The following SORCS2 variants were observed in gnomAD, a reference collection of about 807,000 sequenced individuals.
SORCS2 encodes the protein sortilin related VPS10 domain containing receptor 2.
In SORCS2, 100 loss-of-function variants were observed where a neutral mutation model predicts 141.6. That is an observed-to-expected ratio of 0.71 (90% CI 0.60 to 0.83). SORCS2 has a LOEUF of 0.83. SORCS2 is among the 40% of genes least tolerant of loss of function. The pLI, the probability that SORCS2 is intolerant of heterozygous loss-of-function variation, is 0.00. For synonymous variants in SORCS2, 789 were observed against 676.9 expected, an observed-to-expected ratio of 1.17 and a Z score of -2.57; for missense variants, 1,646 against 1,560.2, an observed-to-expected ratio of 1.05 and a Z score of -0.93.
chr4:7,621,186 C>G (rs1719148375), intron 3 of SORCS2, among the ~76,000 whole-genome samples: 1 of 152,150 alleles, frequency 6.6e-6, no homozygotes, highest in South Asian at 2.1e-4. Flanking sequence ...CCCGCCCAGC[C>G]CTGAGCCCCG....
At chr4:7,621,966 C>T (rs975594723) in intron 3 of SORCS2, among the ~76,000 whole-genome samples, 2 of 152,146 alleles carry the variant, frequency 1.3e-5, no homozygotes, top group Non-Finnish European at 2.9e-5. Context: ...GTGACAACAG[C>T]GCTGTGAGTT....
intron 1 of SORCS2, among the ~76,000 whole-genome samples, chr4:7,306,095 C>T (rs967390830): frequency 1.7e-4 from 26 of 152,152 alleles, no homozygotes; most frequent in Admixed American, 1.7e-3. Flanking sequence ...TGGCAGGGTC[C>T]CGGTGCTCTG....
chr4:7,234,490 A>G (rs1379879231), intron 1 of SORCS2, among the ~76,000 whole-genome samples: 2 of 152,252 alleles, frequency 1.3e-5, no homozygotes, highest in Non-Finnish European at 2.9e-5. Context: ...GTGACCCAGC[A>G]TGGTGGCCTC....
At chr4:7,395,375 A>G (rs894535194) in intron 1 of SORCS2, among the ~76,000 whole-genome samples, 1 of 152,028 alleles carries the variant, frequency 6.6e-6, no homozygotes, top group African/African-American at 2.4e-5. Flanking sequence ...TTCCCATCTT[A>G]CCTCCCGGGG....
At chr4:7,368,188 A>G (rs1722020683) in intron 1 of SORCS2, among the ~76,000 whole-genome samples, 1 of 152,218 alleles carries the variant, frequency 6.6e-6, no homozygotes, top group Non-Finnish European at 1.5e-5. Context: ...AAGAGTGGAC[A>G]CAGATGAAGG....
chr4:7,226,926 G>A (rs534233798), intron 1 of SORCS2, among the ~76,000 whole-genome samples: 10 of 152,362 alleles, frequency 6.6e-5, no homozygotes, highest in Non-Finnish European at 1.2e-4. Context: ...TTGCTAGCAA[G>A]TGAGTTCCTC....
At chr4:7,486,352 G>C (rs1042496569) in intron 2 of SORCS2, among the ~76,000 whole-genome samples, 3 of 36,258 alleles carry the variant, frequency 8.3e-5, no homozygotes, top group African/African-American at 2.3e-4. Context: ...TGCAGAACCA[G>C]GTGGACAGAT....
At chr4:7,480,965 C>T (rs1327755165) in intron 2 of SORCS2, among the ~76,000 whole-genome samples, 1 of 152,214 alleles carries the variant, frequency 6.6e-6, no homozygotes, top group East Asian at 1.9e-4. Flanking sequence ...AAAGATAGGC[C>T]TGTGAGGTGA....
At position 7,193,165 on chromosome 4, in the gene SORCS2, G is replaced by T. The variant is rs771116529; in HGVS notation, c.480+39G>T. ...ACGCGCTCGCCGCGGCCCCTACCCG[G>T]GACACCGCGGGACACCCGGGCGGGA... On this transcript the variant is annotated intron_variant, in intron 1 of 26. Coordinates refer to ENST00000507866, the MANE Select transcript of SORCS2 (RefSeq NM_020777.3). This position sits in a 1 kb window ranked among gnomAD's most constrained non-coding sequence, Gnocchi z 4.8. 2 of 1,447,860 alleles carry T rather than the reference G, an allele frequency of 1.4e-6. No individual in the cohort carries two copies. Among genetic ancestry groups the T allele is most frequent in the South Asian group, 2.8e-5 (2 of 71,164 alleles). The allele number at this position is 1,447,860 out of a possible 1,614,324, so 89.7% of individuals were successfully genotyped here.
intron 2 of SORCS2, among the ~76,000 whole-genome samples, chr4:7,498,160 T>A (rs1479888702): frequency 6.6e-6 from 1 of 152,094 alleles, no homozygotes; most frequent in Non-Finnish European, 1.5e-5. Context: ...AGGATTGGGG[T>A]TCCTCCTAGT....
At chr4:7,394,693 G>C (rs1411074917) in intron 1 of SORCS2, among the ~76,000 whole-genome samples, 3 of 152,126 alleles carry the variant, frequency 2.0e-5, no homozygotes, top group Admixed American at 2.0e-4. Context: ...GAGCTGGAAG[G>C]TACAGGCAGG....
chr4:7,596,099 G>C (rs1486295151), intron 3 of SORCS2, among the ~76,000 whole-genome samples: 2 of 152,230 alleles, frequency 1.3e-5, no homozygotes, highest in Non-Finnish European at 2.9e-5. Context: ...GCATCCTGTT[G>C]TGTCTTTGGA....
intron 2 of SORCS2, among the ~76,000 whole-genome samples, chr4:7,444,231 C>A (rs147968265): frequency 6.6e-6 from 1 of 152,334 alleles, no homozygotes; most frequent in East Asian, 1.9e-4. Context: ...GTTAACAAAA[C>A]AGACAGAAAC....
chr4:7,428,420 A>G (rs1472170617), intron 2 of SORCS2, among the ~76,000 whole-genome samples: 1 of 152,164 alleles, frequency 6.6e-6, no homozygotes. Flanking sequence ...GAGACCACTG[A>G]GACGAATTCC....
At chr4:7,643,865 T>TG (rs1720888455) in intron 4 of SORCS2, among the ~76,000 whole-genome samples, 1 of 152,122 alleles carries the variant, frequency 6.6e-6, no homozygotes, top group Non-Finnish European at 1.5e-5. Context: ...GCTACAAGCT[T>TG]CGATACCACG....
intron 2 of SORCS2, among the ~76,000 whole-genome samples, chr4:7,494,452 T>C (rs1264986970): frequency 6.6e-6 from 1 of 152,174 alleles, no homozygotes; most frequent in African/African-American, 2.4e-5. Flanking sequence ...CAAGGTCAGG[T>C]TCTGGTGTGG....
chr4:7,648,270 G>A lies in SORCS2; in HGVS notation c.814-5864G>A, dbSNP rs1051159334. ...TGAGAAAGGAGCCAGCTTCTGCTGG[G>A]CCCTGCTAAGTTGGGGGTGGTGCAG... On this transcript the variant is annotated intron_variant, in intron 4 of 26. Transcript: ENST00000507866. This position sits in a 1 kb window ranked among gnomAD's most constrained non-coding sequence, Gnocchi z 4.2. 1.3e-5 allele frequency among the ~76,000 whole-genome samples: 2 copies of A among 152,260 alleles called. No individual in the cohort carries two copies. Among genetic ancestry groups the A allele is most frequent in the Admixed American group, 1.3e-4 (2 of 15,302 alleles).
intron 1 of SORCS2, among the ~76,000 whole-genome samples, chr4:7,223,295 GCACACACACA>G (rs10553971): frequency 7.7e-6 from 1 of 129,650 alleles, no homozygotes; most frequent in Admixed American, 7.7e-5. Context: ...GTGTATATGC[GCACACACACA>G]CACACACACA....
intron 2 of SORCS2, among the ~76,000 whole-genome samples, chr4:7,418,981 C>A (rs141231751): frequency 6.6e-6 from 1 of 152,314 alleles, no homozygotes; most frequent in East Asian, 1.9e-4. Context: ...GGCAGAGGTT[C>A]AAGAAAGAAC....
Sources: gnomAD v4.1 joint callset for allele counts (sites outside exome capture counted in the v4.1 genomes callset) on GRCh38, gnomAD v4.1.1 for gene constraint, Gnocchi (gnomAD v3.1) non-coding constraint, MANE v1.5 for transcripts, NCBI Gene and HGNC (gene_info 2026-07-23, HGNC 2026-07-21) for gene names.